The following HS3ST5 variants were observed in gnomAD, a reference collection of about 807,000 sequenced individuals.
HS3ST5 encodes the protein heparan sulfate-glucosamine 3-sulfotransferase 5.
HS3ST5 carries 10 observed loss-of-function variants against 25.4 expected under a neutral mutation model. That is an observed-to-expected ratio of 0.39 (90% CI 0.24 to 0.67). The LOEUF (loss-of-function observed/expected upper bound fraction) is 0.67. Among genes scored for constraint, HS3ST5 ranks in the 30% least tolerant of loss-of-function variants. HS3ST5 has a pLI of 0.44. For synonymous variants in HS3ST5, 170 were observed against 162.4 expected, an observed-to-expected ratio of 1.05 and a Z score of -0.36; for missense variants, 324 against 420.7, an observed-to-expected ratio of 0.77 and a Z score of 2.01.
chr6:114,298,857 A>G (rs1395295798), intron 1 of HS3ST5, among the ~76,000 whole-genome samples: 1 of 152,172 alleles, frequency 6.6e-6, no homozygotes, highest in African/African-American at 2.4e-5. Flanking sequence ...TTATCCTGTC[A>G]TCTCACAAGC....
chr6:114,161,912 G>T (rs1414786636), intron 3 of HS3ST5, among the ~76,000 whole-genome samples: 12 of 151,900 alleles, frequency 7.9e-5, no homozygotes, highest in Admixed American at 4.6e-4. Flanking sequence ...TAACATATTT[G>T]TGAAAATAAT....
intron 3 of HS3ST5, among the ~76,000 whole-genome samples, chr6:114,155,402 A>G (rs1053722490): frequency 6.6e-6 from 1 of 152,144 alleles, no homozygotes. Flanking sequence ...TAATCAAGCC[A>G]ATGGATTCTA....
chr6:114,089,253 T>TA (rs1196266390), intron 3 of HS3ST5, among the ~76,000 whole-genome samples: 1 of 152,204 alleles, frequency 6.6e-6, no homozygotes, highest in Non-Finnish European at 1.5e-5. Flanking sequence ...ATTAGCCATT[T>TA]AACAGTTTTT....
chr6:114,155,104 C>T (rs1778638494), intron 3 of HS3ST5, among the ~76,000 whole-genome samples: 2 of 152,198 alleles, frequency 1.3e-5, no homozygotes, highest in African/African-American at 4.8e-5. Context: ...ATTTGTTGAA[C>T]AAATTTATGC....
intron 2 of HS3ST5, among the ~76,000 whole-genome samples, chr6:114,183,305 T>G (rs1354331698): frequency 1.3e-5 from 2 of 152,074 alleles, no homozygotes; most frequent in Non-Finnish European, 2.9e-5. Flanking sequence ...TCTCATGAGA[T>G]CTAATAGTTG....
intron 2 of HS3ST5, among the ~76,000 whole-genome samples, chr6:114,206,312 C>A (rs963133981): frequency 2.0e-5 from 3 of 152,036 alleles, no homozygotes; most frequent in African/African-American, 7.3e-5. Flanking sequence ...CCTCCTGATG[C>A]ACAAAACAGA....
intron 2 of HS3ST5, among the ~76,000 whole-genome samples, chr6:114,174,892 C>T (rs1442883128): frequency 6.6e-6 from 1 of 152,020 alleles, no homozygotes; most frequent in African/African-American, 2.4e-5. Flanking sequence ...ACTCAAGAGG[C>T]AGAGGCAGGA....
At chr6:114,201,236 G>T (rs1156486653) in intron 2 of HS3ST5, among the ~76,000 whole-genome samples, 1 of 152,098 alleles carries the variant, frequency 6.6e-6, no homozygotes, top group African/African-American at 2.4e-5. Flanking sequence ...AATTCTTCTA[G>T]TTGTCAGGTA....
At chr6:114,191,431 G>T (rs1034973369) in intron 2 of HS3ST5, among the ~76,000 whole-genome samples, 1 of 152,096 alleles carries the variant, frequency 6.6e-6, no homozygotes, top group African/African-American at 2.4e-5. Context: ...AGTTGAACAG[G>T]TAACTACAAA....
chr6:114,057,289 G>C lies in HS3ST5; in HGVS notation c.1009C>G (p.Gln337Glu). The change falls in exon 5 of 5, where the codon CAG becomes GAG. Residue 337 changes from glutamine (Q) to glutamate (E), a missense_variant. Coordinates refer to ENST00000312719, the MANE Select transcript of HS3ST5 (RefSeq NM_153612.4). ...FFHPFNQKFY[Q>E]ITGRTLNWP ...CAGTTCAATGTCCTCCCAGTGATCT[G>C]GTAAAATTTTTGATTAAAAGGATGA... The C allele has an allele frequency of 1.2e-6, 2 of 1,613,626 alleles. No homozygotes were observed. Among genetic ancestry groups the C allele is most frequent in the Non-Finnish European group, 1.7e-6 (2 of 1,179,702 alleles).
chr6:114,127,855 TAGAG>T (rs796967703), intron 3 of HS3ST5, among the ~76,000 whole-genome samples: 96 of 147,084 alleles, frequency 6.5e-4, no homozygotes, highest in African/African-American at 1.9e-3. Flanking sequence ...TATATATATA[TAGAG>T]AGAGAGAGAG....
At chr6:114,274,969 T>C (rs982338043) in intron 1 of HS3ST5, among the ~76,000 whole-genome samples, 2 of 151,798 alleles carry the variant, frequency 1.3e-5, no homozygotes, top group Admixed American at 6.6e-5. Context: ...CTTCCCTGAT[T>C]TCCCTTCTAC....
intron 3 of HS3ST5, among the ~76,000 whole-genome samples, chr6:114,166,026 AAAAAATAAATAAAT>A (rs1779193852): frequency 6.6e-6 from 1 of 152,110 alleles, no homozygotes; most frequent in Non-Finnish European, 1.5e-5. Context: ...AAAAAACTTT[AAAAAATAAATAAAT>A]AAAAATAATA....
chr6:114,080,753 A>G (rs1774406160), intron 3 of HS3ST5, among the ~76,000 whole-genome samples: 1 of 152,194 alleles, frequency 6.6e-6, no homozygotes, highest in African/African-American at 2.4e-5. Context: ...ACAAAAACAT[A>G]GGAACAATAG....
intron 1 of HS3ST5, among the ~76,000 whole-genome samples, chr6:114,323,383 ATAAT>A (rs201418663): frequency 0.012 from 1,900 of 152,248 alleles, 48 homozygotes; most frequent in African/African-American, 0.043. Context: ...TACAGGTAAA[ATAAT>A]TAATCTGTTC....
intron 1 of HS3ST5, among the ~76,000 whole-genome samples, chr6:114,274,291 T>C (rs571222503): frequency 5.9e-5 from 9 of 152,048 alleles, no homozygotes; most frequent in African/African-American, 2.2e-4. Flanking sequence ...TATGTGGAGT[T>C]TTGAGAAGAG....
At chr6:114,085,762 T>C (rs1022839710) in intron 3 of HS3ST5, among the ~76,000 whole-genome samples, 1 of 152,338 alleles carries the variant, frequency 6.6e-6, no homozygotes, top group African/African-American at 2.4e-5. Context: ...CTCATAGATA[T>C]AGTTTTATAT....
At chr6:114,320,914 C>A (rs11755027) in intron 1 of HS3ST5, among the ~76,000 whole-genome samples, 28,368 of 135,154 alleles carry the variant, frequency 0.21, 3,130 homozygotes, top group Non-Finnish European at 0.26. Context: ...CTCTCTCTCT[C>A]TATATATATA....
intron 1 of HS3ST5, among the ~76,000 whole-genome samples, chr6:114,247,616 T>C (rs2114612307): frequency 6.6e-6 from 1 of 152,206 alleles, no homozygotes; most frequent in East Asian, 1.9e-4. Flanking sequence ...TATTCCTTCA[T>C]GTTTAAAAGT....
Sources: allele counts gnomAD v4.1 joint callset (sites outside exome capture counted in the v4.1 genomes callset), GRCh38; gene constraint gnomAD v4.1.1; transcripts MANE v1.5; gene names NCBI Gene and HGNC (gene_info 2026-07-23, HGNC 2026-07-21).